Variants in CTSO observed in about 807,000 individuals in gnomAD.
CTSO encodes cathepsin O.
In CTSO, 40 loss-of-function variants were observed where a neutral mutation model predicts 42.4. The ratio of observed to expected loss-of-function variants is 0.94; its 90% CI spans 0.73 to 1.23. The LOEUF (loss-of-function observed/expected upper bound fraction) is 1.23. CTSO is among the 50% of genes most tolerant of loss of function. The pLI is 0.00. For missense variants in CTSO, 441 were observed against 396.0 expected (o/e 1.11, Z -0.96); for synonymous variants, 156 against 146.2 (o/e 1.07, Z -0.48).
chr4:155,943,385 C>T (rs1743475459), intron 1 of CTSO, 121 bp from the exon 2 acceptor site: 1 of 560,676 alleles, frequency 1.8e-6, no homozygotes. Context: ...CTTCAGACTA[C>T]AATGTAAAGT....
intron 1 of CTSO, among the ~76,000 whole-genome samples, chr4:155,948,747 G>A (rs1261600511): frequency 6.6e-6 from 1 of 152,162 alleles, no homozygotes; most frequent in Non-Finnish European, 1.5e-5. Context: ...AGGCATCTTG[G>A]CCCTCTTACC....
chr4:155,945,381 T>C (rs943984094), intron 1 of CTSO, among the ~76,000 whole-genome samples: 1 of 152,180 alleles, frequency 6.6e-6, no homozygotes, highest in African/African-American at 2.4e-5. Flanking sequence ...AAGAATAATA[T>C]TTTGACAACT....
chr4:155,944,690 C>A (rs745492243), intron 1 of CTSO, among the ~76,000 whole-genome samples: 1 of 152,146 alleles, frequency 6.6e-6, no homozygotes, highest in Non-Finnish European at 1.5e-5. Context: ...AGCCACAGTT[C>A]TTACGGGCTG....
intron 2 of CTSO, 44 bp from the exon 3 acceptor site, chr4:155,942,500 C>T: frequency 4.2e-6 from 4 of 950,996 alleles, no homozygotes; most frequent in Non-Finnish European, 5.7e-6. Flanking sequence ...TATTATATTA[C>T]AATATATTAT....
chr4:155,948,579 A>G (rs1160397321), intron 1 of CTSO, among the ~76,000 whole-genome samples: 1 of 152,226 alleles, frequency 6.6e-6, no homozygotes, highest in Non-Finnish European at 1.5e-5. Flanking sequence ...GCAAGGCCAA[A>G]CAACAAACAG....
intron 7 of CTSO, 46 bp from the exon 8 acceptor site, chr4:155,926,116 C>T (rs1743126139): frequency 1.4e-6 from 2 of 1,425,182 alleles, no homozygotes; most frequent in East Asian, 2.3e-5. Flanking sequence ...TCTTTAGATG[C>T]TTTTGAAATT....
At chr4:155,932,663 T>C (rs1267404617) in intron 5 of CTSO, among the ~76,000 whole-genome samples, 1 of 152,134 alleles carries the variant, frequency 6.6e-6, no homozygotes, top group Admixed American at 6.5e-5. Flanking sequence ...TTGGATGGGA[T>C]GGCACTGAAG....
chr4:155,931,251 T>C (rs1743229330), intron 5 of CTSO, among the ~76,000 whole-genome samples: 1 of 152,146 alleles, frequency 6.6e-6, no homozygotes, highest in Non-Finnish European at 1.5e-5. Flanking sequence ...ACATGATATA[T>C]ATAATAATCT....
chr4:155,940,495 A>G (rs1335698143), intron 3 of CTSO, among the ~76,000 whole-genome samples: 1 of 152,120 alleles, frequency 6.6e-6, no homozygotes, highest in East Asian at 1.9e-4. Flanking sequence ...CTCTATCTCT[A>G]GTGCCTATGG....
chr4:155,953,237 C>T (rs1015009843), intron 1 of CTSO, among the ~76,000 whole-genome samples: 4 of 151,574 alleles, frequency 2.6e-5, no homozygotes, highest in African/African-American at 9.7e-5. Context: ...AAGACAGGCT[C>T]TTTGTTTCTA....
At chr4:155,946,113 T>G (rs1468548226) in intron 1 of CTSO, among the ~76,000 whole-genome samples, 1 of 152,228 alleles carries the variant, frequency 6.6e-6, no homozygotes, top group African/African-American at 2.4e-5. Context: ...GAGGCAGTAG[T>G]TGAGCCACAT....
At chr4:155,932,152 G>A (rs191220297) in intron 5 of CTSO, among the ~76,000 whole-genome samples, 6 of 152,208 alleles carry the variant, frequency 3.9e-5, no homozygotes, top group East Asian at 3.9e-4. Context: ...CCCTGGGTGG[G>A]AATGGTCATT....
intron 1 of CTSO, among the ~76,000 whole-genome samples, chr4:155,945,434 T>C (rs1485653054): frequency 6.6e-6 from 1 of 152,220 alleles, no homozygotes; most frequent in East Asian, 1.9e-4. Flanking sequence ...GGACAAACTT[T>C]TTGCAAGGCA....
rs1230178609 is a variant in CTSO, at chr4:155,929,715, G to A, written c.675-10C>T. 1.9e-6 allele frequency: 3 copies of A among 1,600,458 alleles called. No homozygotes were observed. Among genetic ancestry groups the A allele is most frequent in the East Asian group, 4.5e-5 (2 of 44,724 alleles). On this transcript the variant is annotated splice_polypyrimidine_tract_variant and intron_variant, in intron 5 of 7. Coordinates refer to ENST00000433477, the MANE Select transcript of CTSO (RefSeq NM_001334.3). The stretch of plus-strand genomic sequence containing the variant: ...TTCATCTTCTTGGTCACTACCAAAA[G>A]AGGAAATATTTGGTTAGAAAATTTA...
At chr4:155,932,298 G>T (rs1484018458) in intron 5 of CTSO, among the ~76,000 whole-genome samples, 1 of 152,068 alleles carries the variant, frequency 6.6e-6, no homozygotes, top group Non-Finnish European at 1.5e-5. Context: ...AATAGTGTTG[G>T]GAGTAAAAGC....
rs571708204 is a variant in CTSO, at chr4:155,936,199, A to T, written c.674+1163T>A. On this transcript the variant is annotated intron_variant, in intron 5 of 7. Transcript: ENST00000433477. ...GGTACTCAGTGACCCTGCACATTTT[A>T]TTATAAATCCTACATGGTCTGCCAG... is the stretch of plus-strand genomic sequence containing the variant. 4.6e-5 allele frequency among the ~76,000 whole-genome samples: 7 copies of T among 152,286 alleles called. No individual in the cohort carries two copies. In the South Asian group the frequency reaches 1.5e-3, roughly 32 times the overall value.
At chr4:155,940,143 A>G (rs1397675149) in intron 3 of CTSO, among the ~76,000 whole-genome samples, 1 of 152,250 alleles carries the variant, frequency 6.6e-6, no homozygotes, top group Non-Finnish European at 1.5e-5. Context: ...ATAAATCCAT[A>G]TTAGTCATTA....
At chr4:155,929,151 C>T (rs868827494) in intron 6 of CTSO, among the ~76,000 whole-genome samples, 11 of 152,220 alleles carry the variant, frequency 7.2e-5, no homozygotes, top group Admixed American at 2.6e-4. Flanking sequence ...CCCTTTATTT[C>T]GGCCCATCCC....
intron 1 of CTSO, 41 bp downstream of exon 1, chr4:155,953,672 A>AG: frequency 8.1e-7 from 1 of 1,240,096 alleles, no homozygotes; most frequent in Non-Finnish European, 1.0e-6. Context: ...ACAGGAAGTG[A>AG]GGGAGCAGGG....
Sources: gnomAD v4.1 joint callset for allele counts (sites outside exome capture counted in the v4.1 genomes callset) on GRCh38, gnomAD v4.1.1 for gene constraint, MANE v1.5 for transcripts, NCBI Gene and HGNC (gene_info 2026-07-23, HGNC 2026-07-21) for gene names.